TENM3: variants seen among roughly 807,000 people sequenced by gnomAD.
TENM3 encodes the protein teneurin-3.
A neutral mutation model predicts 255.1 loss-of-function variants in TENM3; 63 were observed. That is an observed-to-expected ratio of 0.25 (90% CI 0.20 to 0.30). The LOEUF is 0.30. Ranked by LOEUF, TENM3 falls within the 10% of genes least tolerant of loss-of-function variation. The probability of loss-of-function intolerance (pLI) is 1.00; values close to 1 mark genes in which losing one functional copy is unlikely to be tolerated. For synonymous variants in TENM3, 1,306 were observed against 1,322.3 expected (o/e 0.99, Z 0.27); for missense variants, 2,929 against 3,461.1 (o/e 0.85, Z 3.86).
chr4:182,559,098 C>G (rs1178497291), intron 3 of TENM3, among the ~76,000 whole-genome samples: 1 of 131,272 alleles, frequency 7.6e-6, no homozygotes, highest in Non-Finnish European at 1.6e-5. Flanking sequence ...CTGTTTTCTT[C>G]TTTCTTTCTT....
the TENM3 span, among the ~76,000 whole-genome samples, chr4:181,553,564 C>A: frequency 6.6e-6 from 1 of 151,868 alleles, no homozygotes; most frequent in Non-Finnish European, 1.5e-5. Context: ...GCCTCAGCCT[C>A]CCGAGTAGCT....
the TENM3 span, among the ~76,000 whole-genome samples, chr4:182,132,413 G>A: frequency 6.6e-6 from 1 of 151,882 alleles, no homozygotes; most frequent in Admixed American, 6.6e-5. Flanking sequence ...AACTTGGGAG[G>A]TGGAGGTTGC....
At chr4:181,596,824 C>A in the TENM3 span, among the ~76,000 whole-genome samples, 1 of 152,058 alleles carries the variant, frequency 6.6e-6, no homozygotes, top group Admixed American at 6.6e-5. Context: ...AGCAAACTCA[C>A]CCAGGAACAG....
chr4:181,657,535 G>T, the TENM3 span, among the ~76,000 whole-genome samples: 4 of 152,200 alleles, frequency 2.6e-5, no homozygotes, highest in African/African-American at 7.2e-5. Context: ...TGGTGATACT[G>T]TTGGTGGAAA....
intron 1 of TENM3, among the ~76,000 whole-genome samples, chr4:182,211,068 T>C (rs956091786): frequency 6.6e-5 from 10 of 152,148 alleles, no homozygotes; most frequent in African/African-American, 2.4e-4. Flanking sequence ...TCTCCTGAAT[T>C]TTAAGCCCGT....
At chr4:181,585,968 C>T in the TENM3 span, among the ~76,000 whole-genome samples, 715 of 152,268 alleles carry the variant, frequency 4.7e-3, 5 homozygotes, top group Middle Eastern at 6.8e-3. Flanking sequence ...GCGTTGGAGG[C>T]TCAGTAATAA....
intron 3 of TENM3, among the ~76,000 whole-genome samples, chr4:182,396,122 T>G (rs1318771362): frequency 6.6e-6 from 1 of 152,218 alleles, no homozygotes; most frequent in Non-Finnish European, 1.5e-5. Context: ...GGGGTACCTG[T>G]GCAGGTTTGT....
intron 13 of TENM3, among the ~76,000 whole-genome samples, chr4:182,721,292 G>A (rs576551829): frequency 3.3e-5 from 5 of 151,946 alleles, no homozygotes; most frequent in South Asian, 2.2e-4. Flanking sequence ...CAGTAACTTC[G>A]TGGGCATCTC....
At chr4:181,817,631 G>T in the TENM3 span, among the ~76,000 whole-genome samples, 2 of 152,126 alleles carry the variant, frequency 1.3e-5, no homozygotes, top group African/African-American at 4.8e-5. Context: ...GGTTACAAAG[G>T]CTCACCCTCA....
the TENM3 span, among the ~76,000 whole-genome samples, chr4:182,118,333 G>T: frequency 1.3e-5 from 2 of 152,142 alleles, no homozygotes; most frequent in Non-Finnish European, 2.9e-5. Flanking sequence ...AAAAGCAGTG[G>T]TAAGACAGGA....
the TENM3 span, among the ~76,000 whole-genome samples, chr4:181,711,808 T>G: frequency 6.6e-6 from 1 of 152,268 alleles, no homozygotes; most frequent in South Asian, 2.1e-4. Context: ...GATAACTTGT[T>G]TTCCAATCTC....
At chr4:181,821,913 T>C in the TENM3 span, among the ~76,000 whole-genome samples, 1 of 152,192 alleles carries the variant, frequency 6.6e-6, no homozygotes, top group East Asian at 1.9e-4. Flanking sequence ...ATAGATCACG[T>C]TTCTATCATT....
chr4:181,513,268 A>G, the TENM3 span, among the ~76,000 whole-genome samples: 1 of 152,180 alleles, frequency 6.6e-6, no homozygotes, highest in East Asian at 1.9e-4. Context: ...CAAAAAAAAA[A>G]TCAAAGCAAT....
chr4:181,749,670 A>C, the TENM3 span, among the ~76,000 whole-genome samples: 4 of 152,150 alleles, frequency 2.6e-5, no homozygotes, highest in African/African-American at 9.7e-5. Context: ...GTATACTTTT[A>C]GGATGGTTGG....
At chr4:181,534,119 A>G in the TENM3 span, among the ~76,000 whole-genome samples, 5 of 151,978 alleles carry the variant, frequency 3.3e-5, no homozygotes, top group African/African-American at 1.2e-4. Context: ...GGCCGGGTGC[A>G]GTGGCTCATG....
the TENM3 span, among the ~76,000 whole-genome samples, chr4:181,818,297 A>T: frequency 6.6e-6 from 1 of 152,170 alleles, no homozygotes; most frequent in Non-Finnish European, 1.5e-5. Flanking sequence ...ATTATTTTTG[A>T]TAATCTGAGT....
chr4:182,081,677 T>C, the TENM3 span: 1 of 152,022 alleles, frequency 6.6e-6, no homozygotes, highest in Non-Finnish European at 1.5e-5. Context: ...AGTGGTTTTA[T>C]GGGAAACTGT....
chr4:182,044,848 G>C, the TENM3 span, among the ~76,000 whole-genome samples: 2 of 152,318 alleles, frequency 1.3e-5, no homozygotes, highest in Non-Finnish European at 2.9e-5. Context: ...TGATACTCAA[G>C]ACGGATAGTC....
intron 3 of TENM3, among the ~76,000 whole-genome samples, chr4:182,530,674 G>A (rs1331227779): frequency 6.6e-6 from 1 of 152,110 alleles, no homozygotes; most frequent in African/African-American, 2.4e-5. Context: ...ATGTCCCCGG[G>A]GGAAAAATTG....
Sources: allele counts gnomAD v4.1 joint callset (sites outside exome capture counted in the v4.1 genomes callset), GRCh38; gene constraint gnomAD v4.1.1; transcripts MANE v1.5; gene names NCBI Gene and HGNC (gene_info 2026-07-23, HGNC 2026-07-21).